RSAD2: variants seen among roughly 807,000 people sequenced by gnomAD.
The protein encoded by RSAD2 is radical S-adenosyl methionine domain containing 2, also known as S-adenosylmethionine-dependent nucleotide dehydratase RSAD2.
RSAD2 carries 38 observed loss-of-function variants against 37.7 expected under a neutral mutation model. The ratio of observed to expected loss-of-function variants is 1.01; its 90% CI spans 0.78 to 1.32. The LOEUF is 1.32. RSAD2 is among the 40% of genes most tolerant of loss of function. The pLI is 0.00. For synonymous variants in RSAD2, 163 were observed against 157.4 expected (o/e 1.04, Z -0.27); for missense variants, 428 against 437.5 (o/e 0.98, Z 0.19).
chr2:6,883,337 T>C, intron 1 of RSAD2, 34 bp from the exon 2 acceptor site: 2 of 1,598,326 alleles, frequency 1.3e-6, no homozygotes, highest in Non-Finnish European at 1.7e-6. Context: ...TGTATATTTG[T>C]GAAGTGGTAA....
upstream of RSAD2, among the ~76,000 whole-genome samples, chr2:6,873,699 G>A (rs1162327725): frequency 6.6e-6 from 1 of 152,136 alleles, no homozygotes; most frequent in Non-Finnish European, 1.5e-5. Flanking sequence ...GCTTAATCAA[G>A]TATTTTGAAC....
At chr2:6,890,654 A>AT (rs1189753316) in intron 4 of RSAD2, among the ~76,000 whole-genome samples, 4 of 152,228 alleles carry the variant, frequency 2.6e-5, no homozygotes, top group Admixed American at 6.5e-5. Flanking sequence ...TCATACATGC[A>AT]TGACATAACC....
Position 6,878,130 on chromosome 2 carries a change from T to G in RSAD2, c.330T>G (p.Leu110=). The change falls in exon 1 of 6, where the codon CTT becomes CTG. Residue 110 remains leucine, a synonymous_variant. Coordinates refer to ENST00000382040, the MANE Select transcript of RSAD2 (RefSeq NM_080657.5). The part of the protein sequence containing the change: ...LPLEEAKRGL[L]LLKEAGMEKI... ...TTGAGGAAGCAAAGAGAGGATTGCT[T>G]TTGCTTAAGGAAGCTGGTGAGTACA... 1 of 1,613,790 alleles carries G rather than the reference T, an allele frequency of 6.2e-7. No individual in the cohort carries two copies. Among genetic ancestry groups the G allele is most frequent in the East Asian group, 2.2e-5 (1 of 44,874 alleles).
chr2:6,879,679 T>C (rs1280321836), intron 1 of RSAD2, among the ~76,000 whole-genome samples: 1 of 152,178 alleles, frequency 6.6e-6, no homozygotes, highest in Non-Finnish European at 1.5e-5. Flanking sequence ...GTTCAGTTTT[T>C]TTTTTTAATG....
At chr2:6,887,584 G>A (rs1167784877) in intron 3 of RSAD2, among the ~76,000 whole-genome samples, 2 of 152,210 alleles carry the variant, frequency 1.3e-5, no homozygotes, top group Non-Finnish European at 2.9e-5. Context: ...TAGGGTTAAA[G>A]TCTTCCCCAA....
At chr2:6,888,828 T>C (rs1663572979) in intron 3 of RSAD2, among the ~76,000 whole-genome samples, 1 of 152,220 alleles carries the variant, frequency 6.6e-6, no homozygotes, top group African/African-American at 2.4e-5. Context: ...AGTCCAATCT[T>C]ACATTGCACT....
Position 6,882,722 on chromosome 2 carries a change from G to A in RSAD2, c.347-649G>A, listed in dbSNP as rs963506401. Among the ~76,000 whole-genome samples, 7 of 152,296 alleles carry A rather than the reference G, an allele frequency of 4.6e-5. No homozygotes were observed. The East Asian group carries it at 1.2e-3, about 25-fold the overall frequency. On this transcript the variant is annotated intron_variant, in intron 1 of 5. Transcript: ENST00000382040. ...CCGGTCTTGAAATTCCAAAACATTA[G>A]GAAGAAAGGTTCTGGAGAGAGAAAA...
chr2:6,870,837 T>C (rs1189341362), intron 1 of RSAD2, among the ~76,000 whole-genome samples: 1 of 152,218 alleles, frequency 6.6e-6, no homozygotes, highest in African/African-American at 2.4e-5. Context: ...GTCACTGCAA[T>C]GAGTAGGCCA....
intron 1 of RSAD2, among the ~76,000 whole-genome samples, chr2:6,883,017 A>G (rs1298736989): frequency 6.6e-6 from 1 of 152,232 alleles, no homozygotes; most frequent in Non-Finnish European, 1.5e-5. Flanking sequence ...TGGGAAACGC[A>G]GAGTCAGGAG....
chr2:6,866,421 C>T, intron 1 of RSAD2: 24 of 984,486 alleles, frequency 2.4e-5, no homozygotes, highest in Admixed American at 6.1e-5. Flanking sequence ...TTTGCACACA[C>T]TCACCTGTGC....
intron 1 of RSAD2, among the ~76,000 whole-genome samples, chr2:6,882,318 G>T (rs1663421644): frequency 6.6e-6 from 1 of 152,162 alleles, no homozygotes. Flanking sequence ...ATAAGAGAAA[G>T]AATTGCATAC....
intron 3 of RSAD2, among the ~76,000 whole-genome samples, chr2:6,887,505 C>G (rs1663546645): frequency 6.6e-6 from 1 of 152,180 alleles, no homozygotes; most frequent in Non-Finnish European, 1.5e-5. Flanking sequence ...ATTTTTAAAA[C>G]TCTTGGCTTA....
Position 6,883,368 on chromosome 2 carries a change from C to T in RSAD2, c.347-3C>T. 6.2e-7 allele frequency: 1 copy of T among 1,613,742 alleles called. No homozygotes were observed. Among genetic ancestry groups the T allele is most frequent in the Non-Finnish European group, 8.5e-7 (1 of 1,179,766 alleles). ...GGTAAAATTCATGTATCACCTTGCA[C>T]AGGTATGGAGAAGATCAACTTTTCA... On this transcript the variant is annotated splice_polypyrimidine_tract_variant and splice_region_variant and intron_variant, in intron 1 of 5. Transcript: ENST00000382040.
In RSAD2 at chr2:6,898,004, A is replaced by AC. The variant is rs1370127854; in HGVS notation, c.*2062_*2063insC. 1 of 152,076 alleles carries AC rather than the reference A, an allele frequency of 6.6e-6. No individual in the cohort carries two copies. The highest frequency in any genetic ancestry group is 1.9e-4 in the East Asian group (1 of 5,194). 9.4% of individuals were successfully genotyped at this position (152,076 alleles called of 1,614,324 possible). A position where few individuals can be genotyped will look rare whatever the true frequency, so the allele number is the denominator to read the frequency against. On this transcript the variant is annotated 3_prime_UTR_variant, in exon 6 of 6. Coordinates refer to ENST00000382040, the MANE Select transcript of RSAD2 (RefSeq NM_080657.5). ...AGCAAGACTCCGTCTCAAAAAAAAAAAAAAAAAAAAGCAAGAGAGTTCAAC... is the reference window on the plus strand; with the variant it reads ...AGCAAGACTCCGTCTCAAAAAAAAAACAAAAAAAAAAGCAAGAGAGTTCAAC...
At chr2:6,865,946 C>T (rs1663074372) in exon 1 of RSAD2, 6 of 1,302,642 alleles carry the variant, frequency 4.6e-6, no homozygotes, top group Admixed American at 3.1e-5. Context: ...AGACGCTTGG[C>T]CCCGGGGCCC....
chr2:6,887,419 G>A (rs1487218504), intron 3 of RSAD2, among the ~76,000 whole-genome samples: 1 of 152,150 alleles, frequency 6.6e-6, no homozygotes, highest in East Asian at 1.9e-4. Flanking sequence ...TGGAAATATT[G>A]TGAGGATAAA....
In RSAD2 at chr2:6,878,033, A is replaced by T; in HGVS notation, c.233A>T (p.His78Leu). Reference protein sequence around the residue: ...LPTTPTSVNYHFTRQCNYKCG... With the variant: ...LPTTPTSVNYLFTRQCNYKCG... ...ACCACCCCAACCAGCGTCAACTATC[A>T]CTTCACTCGCCAGTGCAACTACAAA... is the stretch of plus-strand genomic sequence containing the variant. Residue 78 changes from histidine to leucine, a missense_variant, in exon 1 of 6, where the codon CAC becomes CTC. Physicochemically the swap from His to Leu is moderately conservative, Grantham distance 99. Transcript: ENST00000382040. The T allele has an allele frequency of 6.2e-7, 1 of 1,614,142 alleles. No individual in the cohort carries two copies. The highest frequency in any genetic ancestry group is 8.5e-7 in the Non-Finnish European group (1 of 1,180,026).
intron 1 of RSAD2, among the ~76,000 whole-genome samples, chr2:6,879,670 T>C (rs1174375389): frequency 2.6e-5 from 4 of 152,000 alleles, no homozygotes; most frequent in South Asian, 2.1e-4. Context: ...TACTATTTTG[T>C]TCAGTTTTTT....
intron 1 of RSAD2, among the ~76,000 whole-genome samples, chr2:6,869,353 C>G (rs1663165198): frequency 6.6e-6 from 1 of 151,002 alleles, no homozygotes; most frequent in African/African-American, 2.4e-5. Flanking sequence ...GAGACATCCA[C>G]ACATGCACAC....
Sources: gnomAD v4.1 joint callset for allele counts (sites outside exome capture counted in the v4.1 genomes callset) on GRCh38, gnomAD v4.1.1 for gene constraint, MANE v1.5 for transcripts, NCBI Gene and HGNC (gene_info 2026-07-23, HGNC 2026-07-21) for gene names.